The following GAB3 variants were observed in gnomAD, a reference collection of about 807,000 sequenced individuals.
GAB3 encodes the protein GRB2 associated binding protein 3.
In GAB3, 12 loss-of-function variants were observed where a neutral mutation model predicts 40.4. The observed-to-expected ratio is 0.30, with a 90% CI of 0.19 to 0.48. GAB3 has a LOEUF of 0.48. Among genes scored for constraint, GAB3 ranks in the 20% least tolerant of loss-of-function variants. GAB3 has a pLI of 0.99. For missense variants in GAB3, 381 were observed against 461.9 expected (o/e 0.82, Z 1.61); for synonymous variants, 154 against 176.7 (o/e 0.87, Z 1.02).
At chrX:154,711,399 G>A (rs1408688583) in intron 4 of GAB3, among the ~76,000 whole-genome samples, 2 of 111,756 alleles carry the variant, frequency 1.8e-5, no homozygotes, top group African/African-American at 6.5e-5. Flanking sequence ...CAGCAAAGCA[G>A]TAAAGAAGAG....
intron 8 of GAB3, among the ~76,000 whole-genome samples, chrX:154,686,562 G>A (rs1346313276): frequency 9.1e-6 from 1 of 109,869 alleles, no homozygotes; most frequent in East Asian, 2.9e-4. Flanking sequence ...CTGATTAGCT[G>A]GGACTATAGG....
chrX:154,705,833 G>T (rs189750814), intron 4 of GAB3, among the ~76,000 whole-genome samples: 3 of 111,691 alleles, frequency 2.7e-5, no homozygotes, highest in African/African-American at 9.7e-5. Flanking sequence ...ATTAAATACA[G>T]GAAAATTTAA....
At chrX:154,710,222 T>C (rs984426340) in intron 4 of GAB3, among the ~76,000 whole-genome samples, 9 of 112,004 alleles carry the variant, frequency 8.0e-5, no homozygotes, top group Admixed American at 3.8e-4. Context: ...GATTGGAAAA[T>C]TCAACATTGT....
At chrX:154,698,706 C>A (rs1328051484) in intron 6 of GAB3, among the ~76,000 whole-genome samples, 5 of 112,176 alleles carry the variant, frequency 4.5e-5, no homozygotes, top group Admixed American at 9.4e-5. Flanking sequence ...TGCTGCTTAG[C>A]AAACCAGAGA....
intron 1 of GAB3, among the ~76,000 whole-genome samples, chrX:154,731,314 C>T (rs918642724): frequency 4.4e-4 from 49 of 111,741 alleles, no homozygotes; most frequent in Admixed American, 7.6e-4. Flanking sequence ...CATTAAGTGT[C>T]TGAGGTGCAG....
intron 8 of GAB3, among the ~76,000 whole-genome samples, chrX:154,695,266 G>A (rs1226975136): frequency 8.9e-6 from 1 of 111,743 alleles, no homozygotes. Context: ...TCTTCAAAAA[G>A]CCCATGTTCT....
At chrX:154,736,413 C>T (rs2071365835) in intron 1 of GAB3, among the ~76,000 whole-genome samples, 1 of 112,529 alleles carries the variant, frequency 8.9e-6, no homozygotes, top group African/African-American at 3.2e-5. Flanking sequence ...GATTTTCCTC[C>T]TAATGGAAGT....
At chrX:154,698,904 C>T (rs944308388) in intron 6 of GAB3, among the ~76,000 whole-genome samples, 7 of 112,136 alleles carry the variant, frequency 6.2e-5, no homozygotes, top group Non-Finnish European at 1.3e-4. Flanking sequence ...TTCCTGACTG[C>T]CTTACAGAGG....
chrX:154,735,906 C>T (rs943729216), intron 1 of GAB3, among the ~76,000 whole-genome samples: 1 of 112,591 alleles, frequency 8.9e-6, no homozygotes, highest in South Asian at 3.6e-4. Context: ...ACATTCCAGG[C>T]GTGTTCCTGC....
chrX:154,706,214 G>A (rs781864699), intron 4 of GAB3, among the ~76,000 whole-genome samples: 2 of 110,901 alleles, frequency 1.8e-5, no homozygotes, highest in African/African-American at 6.6e-5. Context: ...TTGGGAGTTC[G>A]AGACCAGCCT....
At chrX:154,683,109 T>G (rs1361096454) in intron 8 of GAB3, among the ~76,000 whole-genome samples, 1 of 112,719 alleles carries the variant, frequency 8.9e-6, no homozygotes, top group African/African-American at 3.2e-5. Flanking sequence ...TCACTGACTG[T>G]TGCTTATACT....
chrX:154,702,102 C>T (rs1472053482), intron 4 of GAB3, among the ~76,000 whole-genome samples: 1 of 112,274 alleles, frequency 8.9e-6, no homozygotes, highest in Non-Finnish European at 1.9e-5. Context: ...CATTACCTGA[C>T]TTCAAATTAT....
chrX:154,732,856 T>G (rs1370681782), intron 1 of GAB3, among the ~76,000 whole-genome samples: 1 of 110,953 alleles, frequency 9.0e-6, no homozygotes, highest in African/African-American at 3.3e-5. Flanking sequence ...CACATAACCT[T>G]GAGTCAATAG....
At chrX:154,690,769 T>C (rs369980325) in intron 8 of GAB3, among the ~76,000 whole-genome samples, 26 of 109,951 alleles carry the variant, frequency 2.4e-4, no homozygotes, top group Admixed American at 2.9e-4. Flanking sequence ...CAGGAAACAA[T>C]AGGTGCTGGA....
chrX:154,714,564 A>C (rs2071015883), intron 2 of GAB3, among the ~76,000 whole-genome samples: 1 of 111,852 alleles, frequency 8.9e-6, no homozygotes, highest in African/African-American at 3.3e-5. Context: ...CTAAAAACTG[A>C]GGCGGGGGGC....
chrX:154,712,694 T>G lies in GAB3; in HGVS notation c.604A>C (p.Thr202Pro). Reference protein sequence around the residue: ...TGRLHHTSLPTRCDSWSNSDR... With the variant: ...TGRLHHTSLPPRCDSWSNSDR... ...GAGTTTGACCAGCTATCACATCTGGTGGGTAGACTGGGGAAGAAAAGCATG... is the reference window on the plus strand; with the variant it reads ...GAGTTTGACCAGCTATCACATCTGGGGGGTAGACTGGGGAAGAAAAGCATG... The change falls in exon 4 of 10, where the codon ACC becomes CCC. Residue 202 changes from threonine (T) to proline (P), a missense_variant. By Grantham distance (38) the Thr-to-Pro change is conservative (BLOSUM62 -1). Transcript: ENST00000424127. 1 of 1,099,759 alleles carries G rather than the reference T, an allele frequency of 9.1e-7. No individual in the cohort carries two copies. The highest frequency in any genetic ancestry group is 1.2e-6 in the Non-Finnish European group (1 of 832,409). The allele number at this position is 1,099,759 out of a possible 1,213,427, so 90.6% of individuals were successfully genotyped here. A position where few individuals can be genotyped will look rare whatever the true frequency, so the allele number is the denominator to read the frequency against.
At chrX:154,720,626 CAAAAAAA>C (rs782047643) in intron 1 of GAB3, among the ~76,000 whole-genome samples, 1 of 30,787 alleles carries the variant, frequency 3.2e-5, no homozygotes, top group East Asian at 1.2e-3. Context: ...GACTCCGTCT[CAAAAAAA>C]AAAAAAAAAA....
intron 4 of GAB3, 67 bp from the exon 5 acceptor site, chrX:154,700,126 G>A (rs2070719009): frequency 1.1e-6 from 1 of 895,899 alleles, no homozygotes. Flanking sequence ...AGTCCAGAGA[G>A]GCAGAGAAGC....
At chrX:154,684,291 G>A (rs1255822757) in intron 8 of GAB3, among the ~76,000 whole-genome samples, 3 of 111,665 alleles carry the variant, frequency 2.7e-5, no homozygotes, top group South Asian at 3.7e-4. Flanking sequence ...CTTTTTGGTC[G>A]AAACTATCTG....
Sources: allele counts gnomAD v4.1 joint callset (sites outside exome capture counted in the v4.1 genomes callset), GRCh38; gene constraint gnomAD v4.1.1; transcripts MANE v1.5; gene names NCBI Gene and HGNC (gene_info 2026-07-23, HGNC 2026-07-21).